XYLT1: variants seen among roughly 807,000 people sequenced by gnomAD.
The protein encoded by XYLT1 is beta-D-xylosyltransferase 1.
XYLT1 carries 36 observed loss-of-function variants against 91.3 expected under a neutral mutation model. The ratio of observed to expected loss-of-function variants is 0.39; its 90% CI spans 0.30 to 0.52. The LOEUF (loss-of-function observed/expected upper bound fraction) is 0.52, where lower values mean the gene tolerates loss of function less well. XYLT1 is among the 20% of genes least tolerant of loss of function. XYLT1 has a pLI of 0.68. For synonymous variants in XYLT1, 588 were observed against 532.0 expected (o/e 1.11, Z -1.45); for missense variants, 1,242 against 1,284.5 (o/e 0.97, Z 0.51).
At chr16:17,459,532 G>A (rs928318555) in intron 1 of XYLT1, among the ~76,000 whole-genome samples, 4 of 152,066 alleles carry the variant, frequency 2.6e-5, no homozygotes, top group Admixed American at 1.3e-4. Flanking sequence ...CCTGGGGCTC[G>A]TTTAGGACTA....
At chr16:17,118,915 G>T (rs779202500) in intron 10 of XYLT1, among the ~76,000 whole-genome samples, 14 of 152,040 alleles carry the variant, frequency 9.2e-5, no homozygotes, top group Admixed American at 4.6e-4. Flanking sequence ...CTCCTTTCTT[G>T]CACAGCCAGC....
intron 1 of XYLT1, among the ~76,000 whole-genome samples, chr16:17,412,141 C>G (rs1410929321): frequency 2.0e-5 from 3 of 152,112 alleles, no homozygotes; most frequent in African/African-American, 7.2e-5. Flanking sequence ...ATACCTACAA[C>G]TCCTTCTCTG....
At chr16:17,369,381 G>A (rs952978724) in intron 1 of XYLT1, among the ~76,000 whole-genome samples, 14 of 151,990 alleles carry the variant, frequency 9.2e-5, no homozygotes, top group African/African-American at 2.9e-4. Context: ...GTGGCTTTTC[G>A]TGAAATGTGG....
At chr16:17,137,061 T>C (rs541422466) in intron 8 of XYLT1, among the ~76,000 whole-genome samples, 3 of 152,132 alleles carry the variant, frequency 2.0e-5, no homozygotes, top group African/African-American at 7.2e-5. Flanking sequence ...GCAGGGAAGA[T>C]GTGAGTTTAG....
At chr16:17,255,000 T>TC (rs981113507) in intron 3 of XYLT1, among the ~76,000 whole-genome samples, 6 of 145,178 alleles carry the variant, frequency 4.1e-5, no homozygotes, top group African/African-American at 1.5e-4. Flanking sequence ...CTTTTTCTTT[T>TC]TTTTTTTTTT....
At chr16:17,331,424 C>T (rs2034897572) in intron 2 of XYLT1, among the ~76,000 whole-genome samples, 1 of 152,242 alleles carries the variant, frequency 6.6e-6, no homozygotes, top group Non-Finnish European at 1.5e-5. Flanking sequence ...CAAAACCAAT[C>T]CTCATTTAGT....
At chr16:17,280,987 G>T (rs72779629) in intron 2 of XYLT1, among the ~76,000 whole-genome samples, 8 of 152,138 alleles carry the variant, frequency 5.3e-5, no homozygotes, top group Admixed American at 5.2e-4. Flanking sequence ...GTGCCCACAC[G>T]GGAGATACTG....
intron 3 of XYLT1, among the ~76,000 whole-genome samples, chr16:17,232,409 G>GTGTC (rs2033175407): frequency 1.2e-5 from 1 of 86,688 alleles, no homozygotes; most frequent in African/African-American, 3.8e-5. Flanking sequence ...CTGTGTCTGT[G>GTGTC]TGTGTGTGTG....
At chr16:17,168,512 G>A (rs1342421034) in intron 5 of XYLT1, among the ~76,000 whole-genome samples, 1 of 152,088 alleles carries the variant, frequency 6.6e-6, no homozygotes, top group Non-Finnish European at 1.5e-5. Flanking sequence ...GGTAATGGGG[G>A]CCTTCATACC....
intron 5 of XYLT1, among the ~76,000 whole-genome samples, chr16:17,174,979 C>T (rs1054684802): frequency 6.6e-6 from 1 of 152,156 alleles, no homozygotes; most frequent in Admixed American, 6.5e-5. Context: ...ATCATGTTGG[C>T]CAGGCTGGTC....
At chr16:17,114,506 T>C (rs1365613051) in intron 11 of XYLT1, among the ~76,000 whole-genome samples, 1 of 152,204 alleles carries the variant, frequency 6.6e-6, no homozygotes, top group Non-Finnish European at 1.5e-5. Flanking sequence ...TTTCCCCATG[T>C]ATTTTGCTGT....
intron 5 of XYLT1, among the ~76,000 whole-genome samples, chr16:17,196,314 A>G (rs1424561867): frequency 1.3e-5 from 2 of 152,250 alleles, no homozygotes; most frequent in Admixed American, 6.5e-5. Context: ...TGTGACCTAG[A>G]TATTTGATGC....
intron 2 of XYLT1, among the ~76,000 whole-genome samples, chr16:17,324,899 G>A (rs1250784797): frequency 6.6e-6 from 1 of 151,528 alleles, no homozygotes; most frequent in Non-Finnish European, 1.5e-5. Flanking sequence ...ACTCATGAAA[G>A]TTATTTTTAA....
chr16:17,120,654 ACC>A (rs1411481533), intron 10 of XYLT1, among the ~76,000 whole-genome samples: 5 of 151,404 alleles, frequency 3.3e-5, no homozygotes, highest in African/African-American at 1.2e-4. Context: ...TTTTCTCCTG[ACC>A]CCCACAGTAC....
chr16:17,132,479 A>G (rs368590404), intron 9 of XYLT1, among the ~76,000 whole-genome samples: 3 of 145,202 alleles, frequency 2.1e-5, no homozygotes, highest in African/African-American at 8.5e-5. Context: ...TGGCTGCATC[A>G]TAATGGCAAC....
At position 17,312,997 on chromosome 16, in the gene XYLT1, G is replaced by C. The variant is rs1226985114; in HGVS notation, c.402+45015C>G. ...GCTCCCCCTGGCCGGGGCTGAGCAG[G>C]GAAGCTGGGAGAGAGGGCATGTCCG... On this transcript the variant is annotated intron_variant, in intron 2 of 11. Transcript: ENST00000261381. This position sits in a 1 kb window ranked among gnomAD's most constrained non-coding sequence, Gnocchi z 4.4. 2.0e-5 allele frequency among the ~76,000 whole-genome samples: 3 copies of C among 152,212 alleles called. No individual in the cohort carries two copies. The highest frequency in any genetic ancestry group is 6.5e-5 in the Admixed American group (1 of 15,280).
chr16:17,468,349 G>A (rs1567214557), intron 1 of XYLT1, among the ~76,000 whole-genome samples: 1 of 151,688 alleles, frequency 6.6e-6, no homozygotes, highest in Non-Finnish European at 1.5e-5. Context: ...CAGCCACCAA[G>A]AAGAGAAGAG....
chr16:17,427,158 A>G (rs900073847), intron 1 of XYLT1, among the ~76,000 whole-genome samples: 3 of 152,262 alleles, frequency 2.0e-5, no homozygotes, highest in African/African-American at 7.2e-5. Flanking sequence ...GGATTTGGGC[A>G]GCAAGTGGTG....
intron 6 of XYLT1, among the ~76,000 whole-genome samples, chr16:17,148,371 ATATT>A (rs775627396): frequency 6.6e-6 from 1 of 152,192 alleles, no homozygotes; most frequent in Non-Finnish European, 1.5e-5. Flanking sequence ...AATATACAAG[ATATT>A]TATTTAGTCT....
Sources: gnomAD v4.1 joint callset for allele counts (sites outside exome capture counted in the v4.1 genomes callset) on GRCh38, gnomAD v4.1.1 for gene constraint, Gnocchi (gnomAD v3.1) non-coding constraint, MANE v1.5 for transcripts, NCBI Gene and HGNC (gene_info 2026-07-23, HGNC 2026-07-21) for gene names.